MYO3B: variants seen among roughly 807,000 people sequenced by gnomAD.
MYO3B encodes myosin-IIIb.
Under a neutral mutation model 174.6 loss-of-function variants are expected in MYO3B, and 156 were observed. The ratio of observed to expected loss-of-function variants is 0.89; its 90% confidence interval spans 0.78 to 1.02. The LOEUF is 1.02. Among genes scored for constraint, MYO3B ranks in the 50% least tolerant of loss-of-function variants. The pLI is 0.00. For synonymous variants in MYO3B, 563 were observed against 569.1 expected (o/e 0.99, Z 0.15); for missense variants, 1,632 against 1,639.4 (o/e 1.00, Z 0.08).
At chr2:170,343,475 T>C (rs1033941294) in intron 8 of MYO3B, 2 of 151,896 alleles carry the variant, frequency 1.3e-5, no homozygotes, top group African/African-American at 4.8e-5. Context: ...TTCTTTGCTC[T>C]GCAAACAAAC....
intron 7 of MYO3B, among the ~76,000 whole-genome samples, chr2:170,316,584 A>G (rs2093777348): frequency 6.6e-6 from 1 of 152,204 alleles, no homozygotes; most frequent in Non-Finnish European, 1.5e-5. Context: ...CTTTCCTAAT[A>G]ATCTAGCTAG....
At chr2:170,455,881 G>C (rs942589718) in intron 23 of MYO3B, among the ~76,000 whole-genome samples, 3 of 152,160 alleles carry the variant, frequency 2.0e-5, no homozygotes, top group African/African-American at 7.2e-5. Flanking sequence ...GTTGTAGGAG[G>C]AAAGTATACT....
At chr2:170,458,606 T>G (rs535125706) in intron 23 of MYO3B, among the ~76,000 whole-genome samples, 10 of 152,224 alleles carry the variant, frequency 6.6e-5, no homozygotes, top group Non-Finnish European at 1.5e-4. Context: ...CTACTACTAC[T>G]ATAATGAAAT....
At chr2:170,347,012 T>A (rs190080297) in intron 8 of MYO3B, among the ~76,000 whole-genome samples, 44 of 152,322 alleles carry the variant, frequency 2.9e-4, no homozygotes, top group African/African-American at 9.9e-4. Flanking sequence ...TATGTGAAAA[T>A]CTTTATTCAT....
At chr2:170,500,397 G>A (rs1171102197) in intron 27 of MYO3B, among the ~76,000 whole-genome samples, 1 of 152,180 alleles carries the variant, frequency 6.6e-6, no homozygotes, top group East Asian at 1.9e-4. Flanking sequence ...TCTTCCTGGG[G>A]TATGCATCAG....
At chr2:170,425,509 C>T (rs1377356187) in intron 22 of MYO3B, among the ~76,000 whole-genome samples, 6 of 152,154 alleles carry the variant, frequency 3.9e-5, no homozygotes, top group African/African-American at 7.2e-5. Context: ...AGAGTGGTTC[C>T]ATCTTTGCAT....
chr2:170,477,577 T>G (rs1303735543), intron 25 of MYO3B, among the ~76,000 whole-genome samples: 15 of 151,940 alleles, frequency 9.9e-5, no homozygotes, highest in Admixed American at 9.8e-4. Context: ...CAAATAAACA[T>G]TCTTAGTGGC....
intron 32 of MYO3B, among the ~76,000 whole-genome samples, chr2:170,596,217 G>A (rs1347257331): frequency 6.6e-6 from 1 of 152,150 alleles, no homozygotes; most frequent in African/African-American, 2.4e-5. Context: ...GTACTAATTA[G>A]CCTGTTTGTG....
intron 32 of MYO3B, among the ~76,000 whole-genome samples, chr2:170,584,760 G>A (rs1412609686): frequency 6.6e-6 from 1 of 152,206 alleles, no homozygotes; most frequent in Non-Finnish European, 1.5e-5. Flanking sequence ...AGGCAACTTA[G>A]AATTTCCAAC....
chr2:170,419,723 C>T (rs2094603246), intron 22 of MYO3B, among the ~76,000 whole-genome samples: 1 of 152,086 alleles, frequency 6.6e-6, no homozygotes, highest in Non-Finnish European at 1.5e-5. Flanking sequence ...AGAAGGAGAG[C>T]TCTGCCCCTC....
chr2:170,386,354 G>T (rs2094374841), intron 13 of MYO3B, 82 bp downstream of exon 13: 6 of 1,220,098 alleles, frequency 4.9e-6, no homozygotes, highest in African/African-American at 1.5e-5. Flanking sequence ...GGAAGTGCTG[G>T]GTTTTTTTTA....
chr2:170,506,516 A>G (rs754781728), intron 28 of MYO3B, among the ~76,000 whole-genome samples: 1 of 152,164 alleles, frequency 6.6e-6, no homozygotes, highest in East Asian at 1.9e-4. Context: ...TTAAGCACCT[A>G]CTTTATGCTG....
At chr2:170,637,286 C>G (rs1381593479) in intron 32 of MYO3B, among the ~76,000 whole-genome samples, 3 of 151,518 alleles carry the variant, frequency 2.0e-5, no homozygotes, top group Non-Finnish European at 4.4e-5. Flanking sequence ...ATTCTCCTGC[C>G]TCACCCTCCC....
At chr2:170,523,744 C>A (rs1688823184) in intron 30 of MYO3B, among the ~76,000 whole-genome samples, 1 of 152,182 alleles carries the variant, frequency 6.6e-6, no homozygotes, top group Non-Finnish European at 1.5e-5. Flanking sequence ...CACTTCTTTA[C>A]ATGCCAATGT....
intron 8 of MYO3B, chr2:170,340,512 CA>C (rs1160109132): frequency 2.0e-5 from 3 of 152,052 alleles, no homozygotes; most frequent in Non-Finnish European, 4.4e-5. Context: ...GACAGATTAA[CA>C]AAAGAAAAGT....
intron 30 of MYO3B, among the ~76,000 whole-genome samples, chr2:170,531,949 T>C (rs1278605131): frequency 6.6e-6 from 1 of 152,202 alleles, no homozygotes; most frequent in Non-Finnish European, 1.5e-5. Context: ...CACTACTATG[T>C]GAAAGTTTGA....
At chr2:170,464,514 G>T (rs879926790) in intron 24 of MYO3B, among the ~76,000 whole-genome samples, 8 of 152,136 alleles carry the variant, frequency 5.3e-5, no homozygotes, top group Non-Finnish European at 7.4e-5. Context: ...CAGGACTTGG[G>T]AGCCAGCACT....
chr2:170,632,593 A>C (rs1697100866), intron 32 of MYO3B, among the ~76,000 whole-genome samples: 1 of 152,308 alleles, frequency 6.6e-6, no homozygotes, highest in Non-Finnish European at 1.5e-5. Flanking sequence ...AAGAGCAAAC[A>C]CATTCAAAAG....
intron 22 of MYO3B, among the ~76,000 whole-genome samples, chr2:170,426,079 A>ATTTT (rs34098665): frequency 6.8e-6 from 1 of 148,070 alleles, no homozygotes. Flanking sequence ...TTAATCTCTG[A>ATTTT]TTTTTTTTTT....
Sources: allele counts gnomAD v4.1 joint callset (sites outside exome capture counted in the v4.1 genomes callset), GRCh38; gene constraint gnomAD v4.1.1; transcripts MANE v1.5; gene names NCBI Gene and HGNC (gene_info 2026-07-23, HGNC 2026-07-21).